Variants in ACTR3C observed in about 807,000 individuals in gnomAD.
ACTR3C encodes the protein actin related protein 3C.
A neutral mutation model predicts 26.3 loss-of-function variants in ACTR3C; 18 were observed. The observed-to-expected ratio is 0.68, with a 90% CI of 0.47 to 1.01. The LOEUF (loss-of-function observed/expected upper bound fraction) is 1.01. ACTR3C is among the 50% of genes least tolerant of loss of function. The pLI is 0.00. For missense variants in ACTR3C, 184 were observed against 250.7 expected, an observed-to-expected ratio of 0.73 and a Z score of 1.80; for synonymous variants, 55 against 94.5, an observed-to-expected ratio of 0.58 and a Z score of 2.42.
At chr7:150,209,288 C>CAGAG in the ACTR3C span, among the ~76,000 whole-genome samples, 1 of 129,546 alleles carries the variant, frequency 7.7e-6, no homozygotes, top group Non-Finnish European at 1.6e-5. Context: ...GAGACAGAAA[C>CAGAG]AGAGAGAGAG....
At chr7:150,250,996 T>C (rs1450843436) in intron 6 of ACTR3C, among the ~76,000 whole-genome samples, 1 of 152,234 alleles carries the variant, frequency 6.6e-6, no homozygotes, top group Non-Finnish European at 1.5e-5. Flanking sequence ...AATGTAAATA[T>C]GGACGGAATA....
At chr7:149,977,983 T>C in the ACTR3C span, among the ~76,000 whole-genome samples, 3 of 151,162 alleles carry the variant, frequency 2.0e-5, no homozygotes, top group Admixed American at 6.6e-5. Flanking sequence ...TAAGATAAGA[T>C]GACGACCTGA....
At chr7:150,144,657 T>C in the ACTR3C span, among the ~76,000 whole-genome samples, 2 of 152,214 alleles carry the variant, frequency 1.3e-5, no homozygotes, top group Non-Finnish European at 2.9e-5. This position sits in a 1 kb window ranked among gnomAD's most constrained non-coding sequence, Gnocchi z 4.6. Context: ...ATCTCTACAG[T>C]GTACAAGAAA....
intron 2 of ACTR3C, among the ~76,000 whole-genome samples, chr7:150,294,533 C>G (rs1217871886): frequency 6.6e-6 from 1 of 152,190 alleles, no homozygotes; most frequent in Non-Finnish European, 1.5e-5. Flanking sequence ...TTTGGAAGTG[C>G]TAGAATACAT....
chr7:150,253,839 G>T (rs1833018251), intron 6 of ACTR3C, among the ~76,000 whole-genome samples: 1 of 151,752 alleles, frequency 6.6e-6, no homozygotes, highest in African/African-American at 2.4e-5. Flanking sequence ...ACATCTGCCA[G>T]ATGGAAGAAG....
chr7:149,896,213 T>C, the ACTR3C span, among the ~76,000 whole-genome samples: 2,275 of 152,192 alleles, frequency 0.015, 32 homozygotes, highest in African/African-American at 0.053. Flanking sequence ...AAAAACAGTT[T>C]CTGATATGAA....
chr7:149,959,547 G>A, the ACTR3C span, among the ~76,000 whole-genome samples: 3 of 152,180 alleles, frequency 2.0e-5, no homozygotes, highest in Admixed American at 2.0e-4. Flanking sequence ...TACAGGCAGT[G>A]GAGAAACAGA....
the ACTR3C span, among the ~76,000 whole-genome samples, chr7:150,069,374 G>A: frequency 6.6e-6 from 1 of 152,174 alleles, no homozygotes; most frequent in Admixed American, 6.5e-5. Context: ...GTGTTAGGGA[G>A]GGCCTCTTGG....
At chr7:150,033,080 G>A in the ACTR3C span, among the ~76,000 whole-genome samples, 1 of 152,184 alleles carries the variant, frequency 6.6e-6, no homozygotes, top group African/African-American at 2.4e-5. Flanking sequence ...AGGAGGTTCT[G>A]CTGTGTGGTG....
At chr7:150,029,586 C>T in the ACTR3C span, among the ~76,000 whole-genome samples, 1 of 151,708 alleles carries the variant, frequency 6.6e-6, no homozygotes, top group Admixed American at 6.5e-5. Flanking sequence ...AACAAACAAA[C>T]AAAAACTCTT....
chr7:150,308,380 G>C (rs145143681), intron 1 of ACTR3C, among the ~76,000 whole-genome samples: 1 of 152,092 alleles, frequency 6.6e-6, no homozygotes, highest in East Asian at 1.9e-4. Context: ...ATACAAGCTC[G>C]ACAATGGTTC....
the ACTR3C span, among the ~76,000 whole-genome samples, chr7:150,164,918 G>T: frequency 6.6e-6 from 1 of 152,146 alleles, no homozygotes; most frequent in Non-Finnish European, 1.5e-5. Context: ...GTGAGCGCTG[G>T]TTTTGGAATT....
At chr7:150,019,599 A>AAATAAAAATAAAAATAATAAT in the ACTR3C span, among the ~76,000 whole-genome samples, 9 of 109,816 alleles carry the variant, frequency 8.2e-5, no homozygotes, top group African/African-American at 2.7e-4. Context: ...TCAAAAATAA[A>AAATAAAAATAAAAATAATAAT]AATAATAATA....
chr7:150,041,206 C>T, the ACTR3C span, among the ~76,000 whole-genome samples: 112 of 149,898 alleles, frequency 7.5e-4, no homozygotes, highest in South Asian at 1.3e-3. Flanking sequence ...TCCGGGTCCC[C>T]GACCCCTTTG....
the ACTR3C span, among the ~76,000 whole-genome samples, chr7:149,919,947 A>C: frequency 1.7e-5 from 2 of 115,474 alleles, no homozygotes; most frequent in Non-Finnish European, 3.6e-5. Context: ...AACCTAACCT[A>C]ATCCCCCATG....
chr7:150,185,042 T>C, the ACTR3C span, among the ~76,000 whole-genome samples: 1 of 151,532 alleles, frequency 6.6e-6, no homozygotes, highest in Non-Finnish European at 1.5e-5. Context: ...AACCATAACA[T>C]TGGGATTGTC....
At chr7:149,923,359 A>G in the ACTR3C span, among the ~76,000 whole-genome samples, 2 of 152,140 alleles carry the variant, frequency 1.3e-5, no homozygotes, top group African/African-American at 4.8e-5. Context: ...CTAAAAAGCA[A>G]AACAATATTT....
chr7:150,037,671 T>C, the ACTR3C span, among the ~76,000 whole-genome samples: 1 of 107,730 alleles, frequency 9.3e-6, no homozygotes, highest in African/African-American at 3.9e-5. Context: ...CCCACAGTCC[T>C]CCAGGTGGGT....
the ACTR3C span, among the ~76,000 whole-genome samples, chr7:150,089,820 A>G: frequency 6.6e-6 from 1 of 152,208 alleles, no homozygotes; most frequent in African/African-American, 2.4e-5. Context: ...CCAGGAACCA[A>G]ATGGAATTGG....
Sources: gnomAD v4.1 joint callset for allele counts (sites outside exome capture counted in the v4.1 genomes callset) on GRCh38, gnomAD v4.1.1 for gene constraint, Gnocchi (gnomAD v3.1) non-coding constraint, MANE v1.5 for transcripts, NCBI Gene and HGNC (gene_info 2026-07-23, HGNC 2026-07-21) for gene names.